Variants in SCG3 observed in about 807,000 individuals in gnomAD.
The protein encoded by SCG3 is secretogranin III, also known as secretogranin-3.
In SCG3, 38 loss-of-function variants were observed where a neutral mutation model predicts 56.2. The ratio of observed to expected loss-of-function variants is 0.68; its 90% CI spans 0.52 to 0.89. The LOEUF (loss-of-function observed/expected upper bound fraction) is 0.89. Ranked by LOEUF, SCG3 falls within the 40% of genes least tolerant of loss-of-function variation. SCG3 has a pLI of 0.00. For missense variants in SCG3, 524 were observed against 540.7 expected (o/e 0.97, Z 0.31); for synonymous variants, 176 against 184.2 (o/e 0.96, Z 0.36).
intron 10 of SCG3, among the ~76,000 whole-genome samples, chr15:51,702,624 T>C (rs2055346879): frequency 6.6e-6 from 1 of 152,206 alleles, no homozygotes. Flanking sequence ...TTATAAGTTC[T>C]AAATTGTTAT....
chr15:51,687,301 T>C (rs2055235408), intron 4 of SCG3, among the ~76,000 whole-genome samples: 1 of 152,224 alleles, frequency 6.6e-6, no homozygotes, highest in Non-Finnish European at 1.5e-5. Context: ...GAGATATCAC[T>C]GGGGCTAAAA....
chr15:51,693,350 C>T (rs1261852710), intron 7 of SCG3: 1 of 152,172 alleles, frequency 6.6e-6, no homozygotes, highest in East Asian at 1.9e-4. Flanking sequence ...CCTTTATGAA[C>T]ATTTTAACTT....
rs28477511 is a variant in SCG3 at position 51,709,912 on chromosome 15, A to C, written c.1208-3421A>C. ...ATTTTTTTTTTTTTTTTTTTTTTGT[A>C]TTTTTAGTAGAGACGGGGTTTCACC... is the stretch of plus-strand genomic sequence containing the variant. On this transcript the variant is annotated intron_variant, in intron 10 of 11. Coordinates refer to ENST00000220478, the MANE Select transcript of SCG3 (RefSeq NM_013243.4). 3.7e-3 allele frequency among the ~76,000 whole-genome samples: 227 copies of C among 61,602 alleles called. 1 individual carries two copies. Among genetic ancestry groups the C allele is most frequent in the African/African-American group, 0.014 (223 of 15,940 alleles). 40.4% of individuals were successfully genotyped at this position (61,602 alleles called of 152,430 possible).
At chr15:51,706,774 T>TA (rs2055379176) in intron 10 of SCG3, among the ~76,000 whole-genome samples, 2 of 152,070 alleles carry the variant, frequency 1.3e-5, no homozygotes, top group Admixed American at 1.3e-4. Context: ...AAGCTTAATG[T>TA]AAAAAACAGC....
chr15:51,691,174 A>G (rs1822523863), intron 6 of SCG3, among the ~76,000 whole-genome samples: 1 of 152,216 alleles, frequency 6.6e-6, no homozygotes, highest in Admixed American at 6.5e-5. Context: ...TGGAGTATCC[A>G]AGCAACTGAA....
At chr15:51,713,472 A>G (rs1421886543) in intron 11 of SCG3, 59 bp downstream of exon 11, 40 of 1,167,024 alleles carry the variant, frequency 3.4e-5, no homozygotes, top group Non-Finnish European at 4.7e-5. Flanking sequence ...GGCTCTTGTT[A>G]TATAAAAATT....
At chr15:51,689,519 G>C in intron 6 of SCG3, 151 bp downstream of exon 6, 1 of 1,019,360 alleles carries the variant, frequency 9.8e-7, no homozygotes, top group Non-Finnish European at 1.4e-6. Context: ...ATTCAGGCCA[G>C]ACATGTTGGC....
In SCG3 at chr15:51,702,234, C is replaced by A. The variant is rs191707573; in HGVS notation, c.1207+990C>A. On this transcript the variant is annotated intron_variant, in intron 10 of 11. Coordinates refer to ENST00000220478, the MANE Select transcript of SCG3 (RefSeq NM_013243.4). Reference sequence around the variant, plus strand: ...AAATATATCTATGCAATATATAACACAATTTACATCTTTTTAGGATTTTAT... The same window carrying A: ...AAATATATCTATGCAATATATAACAAAATTTACATCTTTTTAGGATTTTAT... Among the ~76,000 whole-genome samples the A allele has an allele frequency of 3.2e-3, 481 of 152,136 alleles. 5 individuals carry two copies. The highest frequency in any genetic ancestry group is 0.011 in the African/African-American group (458 of 41,498).
At chr15:51,713,658 G>A (rs771214810) in intron 11 of SCG3, among the ~76,000 whole-genome samples, 5 of 152,176 alleles carry the variant, frequency 3.3e-5, no homozygotes, top group Non-Finnish European at 5.9e-5. Context: ...TCAAGCAAAC[G>A]TAGAACGAAT....
At chr15:51,694,933 AGG>A in intron 7 of SCG3, among the ~76,000 whole-genome samples, 1 of 151,960 alleles carries the variant, frequency 6.6e-6, no homozygotes, top group Non-Finnish European at 1.5e-5. Flanking sequence ...CGGGAGGCTG[AGG>A]TAGGAGAATC....
chr15:51,687,621 C>T (rs867621397), intron 4 of SCG3, among the ~76,000 whole-genome samples: 60 of 152,306 alleles, frequency 3.9e-4, no homozygotes, highest in African/African-American at 1.4e-3. Flanking sequence ...ATTCCGGGCA[C>T]ATAAACTACA....
chr15:51,709,701 ATTTTTTTTTTTTTTTTTTT>A (rs869162420), intron 10 of SCG3, among the ~76,000 whole-genome samples: 1 of 22,964 alleles, frequency 4.4e-5, no homozygotes, highest in African/African-American at 2.4e-4. Flanking sequence ...ATATATATAT[ATTTTTTTTTTTTTTTTTTT>A]TTTTTTTTTT....
intron 4 of SCG3, 103 bp from the exon 5 acceptor site, chr15:51,688,157 C>T (rs2055241142): frequency 9.1e-7 from 1 of 1,097,678 alleles, no homozygotes; most frequent in Admixed American, 2.6e-5. Flanking sequence ...ACATTTCAAA[C>T]ATATCTGAAT....
chr15:51,704,280 A>ATATATAT (rs2055359648), intron 10 of SCG3, among the ~76,000 whole-genome samples: 3 of 59,208 alleles, frequency 5.1e-5, no homozygotes, highest in African/African-American at 1.1e-4. Context: ...TATATATATA[A>ATATATAT]AATAGCTCTT....
In SCG3 at chr15:51,719,493, C is replaced by T. The variant is rs1016790462; in HGVS notation, c.1374C>T (p.Ala458=). ...VEKGILDKEE[A]EAIKRIYSSL is the part of the protein sequence containing the mutation. ...AAGGCATCCTTGACAAGGAAGAAGC[C>T]GAGGCCATCAAGCGCATTTATAGCA... Residue 458 remains alanine, a synonymous_variant, in exon 12 of 12, where the codon GCC becomes GCT. Transcript: ENST00000220478. 39 of 1,613,854 alleles carry T rather than the reference C, an allele frequency of 2.4e-5. No individual in the cohort carries two copies. Among genetic ancestry groups the T allele is most frequent in the Non-Finnish European group, 2.9e-5 (34 of 1,179,846 alleles).
chr15:51,681,890 G>A (rs961644755), intron 1 of SCG3, 53 bp downstream of exon 1: 2 of 1,469,976 alleles, frequency 1.4e-6, no homozygotes, highest in Non-Finnish European at 9.5e-7. Flanking sequence ...CCACGAAAAG[G>A]TAAAGTTTGG....
chr15:51,714,081 A>G (rs1474661798), intron 11 of SCG3, among the ~76,000 whole-genome samples: 1 of 152,178 alleles, frequency 6.6e-6, no homozygotes, highest in African/African-American at 2.4e-5. Context: ...AGGCAGAGCG[A>G]ACACTAGGTA....
intron 11 of SCG3, among the ~76,000 whole-genome samples, chr15:51,716,792 C>T (rs1237346479): frequency 6.6e-6 from 1 of 152,266 alleles, no homozygotes; most frequent in Non-Finnish European, 1.5e-5. Flanking sequence ...TTAGAGTCAG[C>T]CTCAGACACC....
At chr15:51,710,672 C>T (rs557157564) in intron 10 of SCG3, among the ~76,000 whole-genome samples, 23 of 152,118 alleles carry the variant, frequency 1.5e-4, no homozygotes, top group African/African-American at 5.3e-4. Flanking sequence ...CTGCAACCTC[C>T]ACCTCCTGGG....
Sources: gnomAD v4.1 joint callset for allele counts (sites outside exome capture counted in the v4.1 genomes callset) on GRCh38, gnomAD v4.1.1 for gene constraint, MANE v1.5 for transcripts, NCBI Gene and HGNC (gene_info 2026-07-23, HGNC 2026-07-21) for gene names.